SRGAP3: variants seen among roughly 807,000 people sequenced by gnomAD.
SRGAP3 encodes the protein SLIT-ROBO Rho GTPase-activating protein 3.
In SRGAP3, 39 loss-of-function variants were observed where a neutral mutation model predicts 121.1. The ratio of observed to expected loss-of-function variants is 0.32; its 90% confidence interval spans 0.25 to 0.42. The LOEUF (loss-of-function observed/expected upper bound fraction) is 0.42. SRGAP3 is among the 10% of genes least tolerant of loss of function. The probability of loss-of-function intolerance (pLI) is 1.00; values close to 1 mark genes in which losing one functional copy is unlikely to be tolerated. For missense variants in SRGAP3, 1,213 were observed against 1,470.6 expected (o/e 0.82, Z 2.86); for synonymous variants, 601 against 570.0 (o/e 1.05, Z -0.77).
At chr3:9,011,612 C>T (rs760458275) in intron 17 of SRGAP3, among the ~76,000 whole-genome samples, 1 of 152,210 alleles carries the variant, frequency 6.6e-6, no homozygotes, top group African/African-American at 2.4e-5. Context: ...TTCCTGATTT[C>T]CCTAGATCGG....
At chr3:9,191,892 C>T (rs959812530) in intron 1 of SRGAP3, among the ~76,000 whole-genome samples, 1 of 152,192 alleles carries the variant, frequency 6.6e-6, no homozygotes, top group Non-Finnish European at 1.5e-5. Context: ...TCCCCCCTCA[C>T]TTTCTCTCAC....
chr3:9,025,049 T>C (rs148552748), intron 14 of SRGAP3, among the ~76,000 whole-genome samples: 71 of 152,322 alleles, frequency 4.7e-4, no homozygotes, highest in African/African-American at 1.6e-3. Flanking sequence ...AACTTAGTGT[T>C]AGCCAATTTC....
chr3:9,219,287 G>GCAAATAGTA (rs2125195036), intron 1 of SRGAP3: 1 of 152,264 alleles, frequency 6.6e-6, no homozygotes, highest in African/African-American at 2.4e-5. Flanking sequence ...TCTCATTTCT[G>GCAAATAGTA]AGGTGGTCAG....
At position 9,053,212 on chromosome 3, in the gene SRGAP3, G is replaced by A; in HGVS notation, c.1138C>T (p.Leu380=). The A allele has an allele frequency of 1.9e-6, 3 of 1,613,968 alleles. No individual in the cohort carries two copies. The African/African-American group carries it at 4.0e-5, about 22-fold the overall frequency. Residue 380 remains leucine (L), a synonymous_variant, in exon 9 of 22, where the codon CTG becomes TTG. Coordinates refer to ENST00000383836, the MANE Select transcript of SRGAP3 (RefSeq NM_014850.4). The part of the protein sequence containing the change: ...KIENEEVRKT[L]DATMQTLQDM... ...TGTAATGTCTGCATGGTGGCATCCA[G>A]GGTTTTCCTAACCTGGGGAAACACA...
At chr3:9,341,172 A>G (rs991042146) in intron 1 of SRGAP3, among the ~76,000 whole-genome samples, 1 of 152,162 alleles carries the variant, frequency 6.6e-6, no homozygotes, top group African/African-American at 2.4e-5. Context: ...CTCGCTCCAG[A>G]TAGAGTCACA....
At chr3:9,152,309 G>A (rs1443831823) in intron 1 of SRGAP3, among the ~76,000 whole-genome samples, 1 of 152,246 alleles carries the variant, frequency 6.6e-6, no homozygotes, top group Non-Finnish European at 1.5e-5. Flanking sequence ...TCCAGCGACT[G>A]GACCAGGAAT....
intron 3 of SRGAP3, among the ~76,000 whole-genome samples, chr3:9,087,178 C>T (rs143593184): frequency 6.6e-6 from 1 of 152,146 alleles, no homozygotes; most frequent in East Asian, 1.9e-4. Context: ...GACAGTTCCT[C>T]TAAGACTTAG....
intron 1 of SRGAP3, among the ~76,000 whole-genome samples, chr3:9,357,955 A>G (rs2030608650): frequency 6.6e-6 from 1 of 151,832 alleles, no homozygotes; most frequent in Non-Finnish European, 1.5e-5. Context: ...GCTCATTGCA[A>G]CCTCTGCTTC....
At chr3:9,011,315 T>A (rs1419667778) in intron 17 of SRGAP3, among the ~76,000 whole-genome samples, 1 of 152,218 alleles carries the variant, frequency 6.6e-6, no homozygotes, top group Non-Finnish European at 1.5e-5. Context: ...TCAAAGGAGT[T>A]GACATTTGCA....
chr3:9,323,763 T>C (rs1054633917), intron 3 of SRGAP3, among the ~76,000 whole-genome samples: 1 of 149,862 alleles, frequency 6.7e-6, no homozygotes, highest in Non-Finnish European at 1.5e-5. Flanking sequence ...TGTATCTAAG[T>C]ACAAATACAC....
At chr3:9,084,772 T>C (rs1947386374) in intron 3 of SRGAP3, among the ~76,000 whole-genome samples, 1 of 152,206 alleles carries the variant, frequency 6.6e-6, no homozygotes, top group Admixed American at 6.5e-5. Context: ...TTACAGTCCA[T>C]TCTGCAGGCC....
intron 18 of SRGAP3, chr3:9,007,544 T>C (rs1282014567): frequency 6.6e-6 from 1 of 152,158 alleles, no homozygotes; most frequent in Non-Finnish European, 1.5e-5. Context: ...TAACTGCCAA[T>C]GCCAGTTAGG....
At chr3:9,191,813 T>TCC (rs1034919218) in intron 1 of SRGAP3, among the ~76,000 whole-genome samples, 38 of 152,312 alleles carry the variant, frequency 2.5e-4, no homozygotes, top group African/African-American at 8.4e-4. Flanking sequence ...ATTAGCACCA[T>TCC]CCCCCTTGGT....
chr3:9,315,348 C>G (rs1369357958), intron 3 of SRGAP3, among the ~76,000 whole-genome samples: 1 of 152,242 alleles, frequency 6.6e-6, no homozygotes, highest in Non-Finnish European at 1.5e-5. Context: ...TGGACCACAA[C>G]CCCCTCCTTA....
Position 9,049,447 on chromosome 3 carries a change from G to A in SRGAP3, c.1324-1972C>T, listed in dbSNP as rs73811408. ...TCATCAGAGTCTTGGATGGCAAATG[G>A]GGAAAACATCATCAGGCCCCTTCTA... On this transcript the variant is annotated intron_variant, in intron 9 of 21. Transcript: ENST00000383836. 3,164 of 456,044 alleles carry A rather than the reference G, an allele frequency of 6.9e-3. 73 individuals are homozygous for A. Among genetic ancestry groups the A allele is most frequent in the African/African-American group, 0.056 (2,812 of 50,180 alleles). The allele number at this position is 456,044 out of a possible 1,614,324, so 28.2% of individuals were successfully genotyped here.
intron 10 of SRGAP3, among the ~76,000 whole-genome samples, chr3:9,043,566 C>G (rs753144995): frequency 6.6e-6 from 1 of 152,042 alleles, no homozygotes; most frequent in Non-Finnish European, 1.5e-5. Context: ...TGCTGTCTTT[C>G]AGCTTCAGAC....
chr3:9,335,115 A>G (rs966640403), intron 1 of SRGAP3, among the ~76,000 whole-genome samples: 13 of 152,174 alleles, frequency 8.5e-5, no homozygotes, highest in Non-Finnish European at 1.6e-4. Context: ...ACTTTTCACT[A>G]TTTTGTGGGT....
At chr3:9,168,795 T>C (rs1218051860) in intron 1 of SRGAP3, among the ~76,000 whole-genome samples, 1 of 152,264 alleles carries the variant, frequency 6.6e-6, no homozygotes, top group Non-Finnish European at 1.5e-5. Flanking sequence ...CTCTCATTCA[T>C]TCATTTTTTG....
intron 3 of SRGAP3, among the ~76,000 whole-genome samples, chr3:9,308,608 A>G (rs1306335735): frequency 6.6e-6 from 1 of 152,210 alleles, no homozygotes; most frequent in African/African-American, 2.4e-5. Flanking sequence ...TGGAACTTAC[A>G]GGCAGCAGTC....
Sources: gnomAD v4.1 joint callset for allele counts (sites outside exome capture counted in the v4.1 genomes callset) on GRCh38, gnomAD v4.1.1 for gene constraint, MANE v1.5 for transcripts, NCBI Gene and HGNC (gene_info 2026-07-23, HGNC 2026-07-21) for gene names.